TSPAN9: variants seen among roughly 807,000 people sequenced by gnomAD.
TSPAN9 encodes tetraspanin 9.
Under a neutral mutation model 31.0 loss-of-function variants are expected in TSPAN9, and 16 were observed. That is an observed-to-expected ratio of 0.52 (90% CI 0.35 to 0.78). TSPAN9 has a LOEUF of 0.78. TSPAN9 is among the 30% of genes least tolerant of loss of function. The pLI is 0.01. For synonymous variants in TSPAN9, 145 were observed against 121.6 expected (o/e 1.19, Z -1.27); for missense variants, 272 against 312.5 (o/e 0.87, Z 0.98).
Position 3,180,653 on chromosome 12 carries a change from T to C in TSPAN9, c.-17-20524T>C, listed in dbSNP as rs74447427. Among the ~76,000 whole-genome samples, 1,038 of 152,322 alleles carry C rather than the reference T, an allele frequency of 6.8e-3. 16 individuals are homozygous for C. The highest frequency in any genetic ancestry group is 0.024 in the African/African-American group (989 of 41,574). On this transcript the variant is annotated intron_variant, in intron 2 of 8. Transcript: ENST00000011898. ...AGTTAAATATCTGTTATAACTCAGA[T>C]GCTTTATTTCTTGAAATTGGATTTT...
intron 5 of TSPAN9, 25 bp downstream of exon 5, chr12:3,279,091 G>A (rs762233020): frequency 1.2e-6 from 2 of 1,607,482 alleles, no homozygotes; most frequent in Admixed American, 1.7e-5. Context: ...ATGGGAGGGG[G>A]CATATGGAAT....
At chr12:3,111,990 G>A (rs2098319019) in intron 2 of TSPAN9, among the ~76,000 whole-genome samples, 1 of 152,000 alleles carries the variant, frequency 6.6e-6, no homozygotes. Flanking sequence ...ATTTCCTCAA[G>A]GTTACAAATC....
chr12:3,081,844 G>GTGTATATATATATATA (rs57812985), intron 1 of TSPAN9, among the ~76,000 whole-genome samples: 3,955 of 116,724 alleles, frequency 0.034, 242 homozygotes, highest in African/African-American at 0.049. Flanking sequence ...GTCTGTGTGT[G>GTGTATATATATATATA]TATATATATG....
chr12:3,208,235 A>C (rs538984456), intron 3 of TSPAN9, among the ~76,000 whole-genome samples: 1 of 152,056 alleles, frequency 6.6e-6, no homozygotes, highest in Non-Finnish European at 1.5e-5. Flanking sequence ...CCCTGGGAGG[A>C]TCCCCAAGTG....
intron 3 of TSPAN9, among the ~76,000 whole-genome samples, chr12:3,224,518 A>G (rs990795073): frequency 6.6e-6 from 1 of 152,230 alleles, no homozygotes; most frequent in African/African-American, 2.4e-5. Flanking sequence ...AGGCGGAATC[A>G]GGACCCAGGC....
At chr12:3,186,839 G>T (rs957054569) in intron 2 of TSPAN9, among the ~76,000 whole-genome samples, 2 of 152,176 alleles carry the variant, frequency 1.3e-5, no homozygotes, top group East Asian at 3.9e-4. Context: ...TGGGGAGGAG[G>T]GGGCAGGATG....
At chr12:3,207,260 A>G (rs138896929) in intron 3 of TSPAN9, among the ~76,000 whole-genome samples, 210 of 151,468 alleles carry the variant, frequency 1.4e-3, no homozygotes, top group Non-Finnish European at 2.3e-3. Flanking sequence ...TAGGTAATCC[A>G]GCTTCAGAGA....
At chr12:3,199,627 A>G (rs1364870520) in intron 2 of TSPAN9, among the ~76,000 whole-genome samples, 2 of 152,200 alleles carry the variant, frequency 1.3e-5, no homozygotes, top group African/African-American at 4.8e-5. Context: ...TGTCCCTGTC[A>G]GCCTGCCTGG....
chr12:3,260,147 C>T (rs537547505), intron 3 of TSPAN9, among the ~76,000 whole-genome samples: 151 of 152,346 alleles, frequency 9.9e-4, no homozygotes, highest in African/African-American at 3.1e-3. Context: ...CTGCCCACTC[C>T]GCTCAACGGG....
chr12:3,115,246 G>A (rs557731381), intron 2 of TSPAN9, among the ~76,000 whole-genome samples: 2 of 152,190 alleles, frequency 1.3e-5, no homozygotes, highest in East Asian at 1.9e-4. Context: ...GTTGTAGCAC[G>A]TGTCAGAATT....
At chr12:3,178,611 C>T (rs1411365071) in intron 2 of TSPAN9, among the ~76,000 whole-genome samples, 1 of 152,210 alleles carries the variant, frequency 6.6e-6, no homozygotes, top group Non-Finnish European at 1.5e-5. Context: ...GTTTCTGATG[C>T]TCGTGCTTAT....
chr12:3,276,014 C>T (rs1209414468), intron 3 of TSPAN9, among the ~76,000 whole-genome samples: 2 of 152,342 alleles, frequency 1.3e-5, no homozygotes, highest in East Asian at 3.9e-4. Context: ...TCTCACCGCT[C>T]CTCCGTAGCC....
chr12:3,152,345 G>A (rs1200884394), intron 2 of TSPAN9, among the ~76,000 whole-genome samples: 1 of 152,150 alleles, frequency 6.6e-6, no homozygotes, highest in Non-Finnish European at 1.5e-5. Context: ...TGCCAGGGTG[G>A]GCTGGGATTT....
intron 2 of TSPAN9, among the ~76,000 whole-genome samples, chr12:3,088,042 C>T (rs1330763100): frequency 2.6e-5 from 4 of 152,202 alleles, no homozygotes; most frequent in African/African-American, 9.6e-5. Flanking sequence ...GTCTCAGGGC[C>T]AGGCTCTACA....
At chr12:3,232,270 TG>T (rs1291016891) in intron 3 of TSPAN9, among the ~76,000 whole-genome samples, 4 of 150,152 alleles carry the variant, frequency 2.7e-5, no homozygotes, top group Non-Finnish European at 4.5e-5. Context: ...GCTTCTGTTA[TG>T]TTTTTTTTTT....
At chr12:3,234,190 T>A (rs1366122933) in intron 3 of TSPAN9, among the ~76,000 whole-genome samples, 1 of 152,256 alleles carries the variant, frequency 6.6e-6, no homozygotes, top group Non-Finnish European at 1.5e-5. Context: ...ACATTGGCCA[T>A]GCTGTTGAGA....
Position 3,159,541 on chromosome 12 carries a change from G to A in TSPAN9, c.-17-41636G>A, listed in dbSNP as rs767780135. Reference sequence around the variant, plus strand: ...AGGTTAAATGAGGTCACCAGGGCAGGCCCTAATCCACCATGACTGGTGCCG... The same window carrying A: ...AGGTTAAATGAGGTCACCAGGGCAGACCCTAATCCACCATGACTGGTGCCG... On this transcript the variant is annotated intron_variant, in intron 2 of 8. Coordinates refer to ENST00000011898, the MANE Select transcript of TSPAN9 (RefSeq NM_006675.5). Among the ~76,000 whole-genome samples, 132 of 152,116 alleles carry A rather than the reference G, an allele frequency of 8.7e-4. 1 individual carries two copies. Among genetic ancestry groups the A allele is most frequent in the Middle Eastern group, 6.3e-3 (2 of 316 alleles).
intron 3 of TSPAN9, among the ~76,000 whole-genome samples, chr12:3,240,194 G>C (rs897978993): frequency 6.6e-6 from 1 of 151,942 alleles, no homozygotes; most frequent in Non-Finnish European, 1.5e-5. Context: ...TTTAAAGCAG[G>C]TCCCAGACAT....
chr12:3,111,489 G>A (rs1204123469), intron 2 of TSPAN9, among the ~76,000 whole-genome samples: 1 of 151,952 alleles, frequency 6.6e-6, no homozygotes, highest in African/African-American at 2.4e-5. Flanking sequence ...TACCTGATGA[G>A]GTTTATGTGA....
Sources: gnomAD v4.1 joint callset for allele counts (sites outside exome capture counted in the v4.1 genomes callset) on GRCh38, gnomAD v4.1.1 for gene constraint, MANE v1.5 for transcripts, NCBI Gene and HGNC (gene_info 2026-07-23, HGNC 2026-07-21) for gene names.